Variants in SYCP1 observed in about 807,000 individuals in gnomAD.
SYCP1 encodes the protein cancer/testis antigen 8.
SYCP1 carries 64 observed loss-of-function variants against 153.1 expected under a neutral mutation model. The observed-to-expected ratio is 0.42, with a 90% CI of 0.34 to 0.51. The LOEUF (loss-of-function observed/expected upper bound fraction) is 0.51, where lower values mean the gene tolerates loss of function less well. Ranked by LOEUF, SYCP1 falls within the 20% of genes least tolerant of loss-of-function variation. The probability of loss-of-function intolerance (pLI) is 0.06; values close to 1 mark genes in which losing one functional copy is unlikely to be tolerated. For missense variants in SYCP1, 997 were observed against 1,049.0 expected, an observed-to-expected ratio of 0.95 and a Z score of 0.68; for synonymous variants, 384 against 341.8, an observed-to-expected ratio of 1.12 and a Z score of -1.36.
rs7533396 is a variant in SYCP1 at position 114,975,605 on chromosome 1, G to A, written c.2323-1952G>A. On this transcript the variant is annotated intron_variant, in intron 27 of 31. Transcript: ENST00000369522. ...CATAGATTCAGCTCATCTTTTATAT[G>A]CAACTTTTTTCCAAGTTCTCAGTCA... Among the ~76,000 whole-genome samples the A allele has an allele frequency of 8.3e-3, 1,257 of 151,334 alleles. 22 individuals carry two copies. The highest frequency in any genetic ancestry group is 0.029 in the African/African-American group (1,183 of 41,312).
intron 16 of SYCP1, among the ~76,000 whole-genome samples, chr1:114,899,881 G>A (rs551220915): frequency 1.1e-4 from 17 of 152,276 alleles, no homozygotes; most frequent in East Asian, 3.9e-4. Flanking sequence ...AAAGCCTGGC[G>A]TCAGGAAAGG....
intron 23 of SYCP1, among the ~76,000 whole-genome samples, chr1:114,934,464 T>G (rs2101775311): frequency 6.6e-6 from 1 of 152,160 alleles, no homozygotes; most frequent in South Asian, 2.1e-4. Context: ...CATGCCAAAT[T>G]ATAAAGACCA....
chr1:114,947,271 C>A lies in SYCP1; in HGVS notation c.2273C>A (p.Ala758Asp), dbSNP rs781765878. Reference protein sequence around the residue: ...SLEIELSNLKAELLSVKKQLE... With the variant: ...SLEIELSNLKDELLSVKKQLE... ...GAGATTGAACTATCCAATCTCAAAGCTGAACTTTTGTCTGTTAAGAAGCAA... is the reference window on the plus strand; with the variant it reads ...GAGATTGAACTATCCAATCTCAAAGATGAACTTTTGTCTGTTAAGAAGCAA... Residue 758 changes from alanine to aspartate, a missense_variant, in exon 27 of 32, where the codon GCT (alanine) becomes GAT (aspartate). This residue lies in a region of SYCP1 where 712 missense variants were observed against 682.9 expected (regional missense o/e 1.04). Coordinates refer to ENST00000369522, the MANE Select transcript of SYCP1 (RefSeq NM_003176.4). The A allele has an allele frequency of 5.6e-6, 9 of 1,612,770 alleles. No individual in the cohort carries two copies. The Middle Eastern group carries it at 6.6e-4, about 118-fold the overall frequency.
Position 114,913,067 on chromosome 1 carries a change from A to G in SYCP1, c.1564A>G (p.Lys522Glu). Residue 522 changes from lysine to glutamate, a missense_variant, in exon 19 of 32, where the codon AAG (lysine) becomes GAG (glutamate). By Grantham distance (56) the Lys-to-Glu change is moderately conservative. This residue lies in a region of SYCP1 where 712 missense variants were observed against 682.9 expected (regional missense o/e 1.04). Coordinates refer to ENST00000369522, the MANE Select transcript of SYCP1 (RefSeq NM_003176.4). ...KNTELTSHCNKLSLENKELTQ... is the reference protein window; with the variant it reads ...KNTELTSHCNELSLENKELTQ... ...TACTGAATTAACTTCACACTGCAAC[A>G]AGCTTTCACTAGAAAACAAAGAGCT... 1 of 1,612,372 alleles carries G rather than the reference A, an allele frequency of 6.2e-7. No individual in the cohort carries two copies. Among genetic ancestry groups the G allele is most frequent in the Non-Finnish European group, 8.5e-7 (1 of 1,178,942 alleles).
At chr1:114,921,359 C>G (rs1474156959) in intron 20 of SYCP1, among the ~76,000 whole-genome samples, 1 of 151,344 alleles carries the variant, frequency 6.6e-6, no homozygotes, top group African/African-American at 2.4e-5. Context: ...TATTATTTTT[C>G]ATCAGTTCAT....
At chr1:114,957,689 A>G (rs942382052) in intron 27 of SYCP1, among the ~76,000 whole-genome samples, 4 of 152,226 alleles carry the variant, frequency 2.6e-5, no homozygotes, top group African/African-American at 9.6e-5. Flanking sequence ...CATGCTCAAC[A>G]TCACTAATCA....
chr1:114,956,946 A>T (rs1570858442), intron 27 of SYCP1, among the ~76,000 whole-genome samples: 1 of 151,106 alleles, frequency 6.6e-6, no homozygotes, highest in South Asian at 2.1e-4. Flanking sequence ...CAAGAACATT[A>T]AGGGAAATAT....
intron 8 of SYCP1, among the ~76,000 whole-genome samples, chr1:114,861,385 A>T (rs975493908): frequency 5.3e-5 from 8 of 152,156 alleles, no homozygotes; most frequent in African/African-American, 1.9e-4. Context: ...TGTGATTATA[A>T]AATATAATTC....
At chr1:114,922,155 T>A (rs927294011) in intron 20 of SYCP1, among the ~76,000 whole-genome samples, 1 of 152,180 alleles carries the variant, frequency 6.6e-6, no homozygotes, top group Non-Finnish European at 1.5e-5. Context: ...TTCTTGTCCT[T>A]GAATATTTAG....
chr1:114,858,165 T>G lies in SYCP1; in HGVS notation c.292-382T>G, dbSNP rs112194736. On this transcript the variant is annotated intron_variant, in intron 5 of 31. Transcript: ENST00000369522. ...TTTTCTTGTCATTATATTTTAAACT[T>G]CATGTCCTTTAGTGAATCTTCAAAC... 6.6e-3 allele frequency among the ~76,000 whole-genome samples: 1,007 copies of G among 152,212 alleles called. 7 individuals are homozygous for G. Among genetic ancestry groups the G allele is most frequent in the African/African-American group, 0.023 (949 of 41,568 alleles).
At chr1:114,879,140 A>T (rs1322470854) in intron 12 of SYCP1, among the ~76,000 whole-genome samples, 1 of 152,150 alleles carries the variant, frequency 6.6e-6, no homozygotes, top group African/African-American at 2.4e-5. Flanking sequence ...CCTGAGTGTT[A>T]TGTCATGTTT....
At chr1:114,977,498 A>G (rs1209189650) in intron 27 of SYCP1, 59 bp from the exon 28 acceptor site, 1 of 1,036,680 alleles carries the variant, frequency 9.6e-7, no homozygotes, top group Non-Finnish European at 1.4e-6. Flanking sequence ...TTTTGATAAT[A>G]TTCATTTGTG....
At chr1:114,882,717 CT>C (rs1388629364) in intron 12 of SYCP1, among the ~76,000 whole-genome samples, 1 of 152,054 alleles carries the variant, frequency 6.6e-6, no homozygotes, top group Non-Finnish European at 1.5e-5. Flanking sequence ...AAGTTAAGGC[CT>C]GCTTAACATC....
At chr1:114,887,050 C>A (rs1290184505) in intron 14 of SYCP1, among the ~76,000 whole-genome samples, 1 of 151,994 alleles carries the variant, frequency 6.6e-6, no homozygotes, top group Non-Finnish European at 1.5e-5. Context: ...ATAGCCGGGG[C>A]CTAGCAATAG....
intron 20 of SYCP1, among the ~76,000 whole-genome samples, chr1:114,922,463 C>T (rs1201901531): frequency 6.6e-6 from 1 of 152,100 alleles, no homozygotes; most frequent in Non-Finnish European, 1.5e-5. Context: ...AAATTTTACT[C>T]ATGGTAGAAA....
Position 114,876,769 on chromosome 1 carries a change from G to A in SYCP1, c.760G>A (p.Glu254Lys), listed in dbSNP as rs867423625. The A allele has an allele frequency of 3.6e-6, 5 of 1,396,674 alleles. No individual in the cohort carries two copies. The highest frequency in any genetic ancestry group is 5.8e-5 in the Admixed American group (2 of 34,746). The allele number at this position is 1,396,674 out of a possible 1,614,324, so 86.5% of individuals were successfully genotyped here. A position where few individuals can be genotyped will look rare whatever the true frequency, so the allele number is the denominator to read the frequency against. ...KEDYEKIQHL[E>K]QEYKKEINDK... ...AGATTATGAAAAAATCCAACACCTT[G>A]AACAAGAATACAAGAAGGAAATAAA... The change falls in exon 11 of 32, where the codon GAA (glutamate) becomes AAA (lysine). Residue 254 changes from glutamate (E) to lysine (K), a missense_variant. Around this residue, in one of 2 missense-constraint regions of SYCP1, gnomAD observed 285 missense variants for 366.1 expected, o/e 0.78. Transcript: ENST00000369522.
At chr1:114,856,741 G>A (rs2101248923) in intron 3 of SYCP1, 84 bp downstream of exon 3, 1 of 1,018,332 alleles carries the variant, frequency 9.8e-7, no homozygotes, top group Non-Finnish European at 1.4e-6. Context: ...TGTAACATAA[G>A]TATTATATAA....
chr1:114,981,326 T>C lies in SYCP1; in HGVS notation c.2383-10T>C. 2 of 1,565,350 alleles carry C rather than the reference T, an allele frequency of 1.3e-6. No individual in the cohort carries two copies. Among genetic ancestry groups the C allele is most frequent in the Non-Finnish European group, 8.7e-7 (1 of 1,155,832 alleles). On this transcript the variant is annotated splice_polypyrimidine_tract_variant and intron_variant, in intron 28 of 31. Transcript: ENST00000369522. ...GTGATGGTTTTATTCATTCTTGTTG[T>C]TCAATGCAGAAAACACAAACATTTT...
chr1:114,975,434 A>G (rs1485958606), intron 27 of SYCP1, among the ~76,000 whole-genome samples: 3 of 151,310 alleles, frequency 2.0e-5, no homozygotes, highest in Non-Finnish European at 4.4e-5. Context: ...TTTTAAAATA[A>G]TGTATCTAAT....
Sources: gnomAD v4.1 joint callset for allele counts (sites outside exome capture counted in the v4.1 genomes callset) on GRCh38, gnomAD v4.1.1 for gene constraint, gnomAD v4.1.1 regional missense constraint, MANE v1.5 for transcripts, NCBI Gene and HGNC (gene_info 2026-07-23, HGNC 2026-07-21) for gene names.